The following HIKESHI variants were observed in gnomAD, a reference collection of about 807,000 sequenced individuals.
The protein encoded by HIKESHI is heat shock protein nuclear import factor hikeshi.
Under a neutral mutation model 25.7 loss-of-function variants are expected in HIKESHI, and 13 were observed. The ratio of observed to expected loss-of-function variants is 0.51; its 90% CI spans 0.33 to 0.80. The LOEUF (loss-of-function observed/expected upper bound fraction) is 0.80. Among genes scored for constraint, HIKESHI ranks in the 30% least tolerant of loss-of-function variants. HIKESHI has a pLI of 0.02. For synonymous variants in HIKESHI, 76 were observed against 78.7 expected, an observed-to-expected ratio of 0.97 and a Z score of 0.18; for missense variants, 174 against 229.5, an observed-to-expected ratio of 0.76 and a Z score of 1.56.
intron 4 of HIKESHI, chr11:86,345,205 A>C: frequency 1.0e-6 from 1 of 962,634 alleles, no homozygotes; most frequent in Non-Finnish European, 1.3e-6. Context: ...CTAGGTTTGA[A>C]TTTTGGCATA....
At chr11:86,302,839 A>G (rs560280438) in intron 1 of HIKESHI, among the ~76,000 whole-genome samples, 2 of 152,354 alleles carry the variant, frequency 1.3e-5, no homozygotes, top group African/African-American at 4.8e-5. Flanking sequence ...TTTTGCAGTT[A>G]CAGAACTAAG....
chr11:86,320,433 G>A (rs1052181498), intron 2 of HIKESHI, among the ~76,000 whole-genome samples: 1 of 152,114 alleles, frequency 6.6e-6, no homozygotes, highest in African/African-American at 2.4e-5. Flanking sequence ...AAAATTAGCT[G>A]GGCGTGCTGG....
At position 86,306,280 on chromosome 11, in the gene HIKESHI, A is replaced by T. The variant is rs774580967; in HGVS notation, c.66A>T (p.Lys22Asn). 6.2e-7 allele frequency: 1 copy of T among 1,613,808 alleles called. No homozygotes were observed. The highest frequency in any genetic ancestry group is 8.5e-7 in the Non-Finnish European group (1 of 1,179,762). Residue 22 changes from lysine (K) to asparagine (N), a missense_variant, in exon 2 of 5, where the codon AAA becomes AAT. Coordinates refer to ENST00000278483, the MANE Select transcript of HIKESHI (RefSeq NM_016401.4). ...CTGCACAGCAAGTGGCAGAGGATAA[A>T]TTTGTTTTTGACTTACCTGATTATG... Reference protein sequence around the residue: ...QTAAQQVAEDKFVFDLPDYES... With the variant: ...QTAAQQVAEDNFVFDLPDYES...
intron 2 of HIKESHI, among the ~76,000 whole-genome samples, chr11:86,325,223 G>T (rs890033744): frequency 6.6e-6 from 1 of 152,038 alleles, no homozygotes; most frequent in Non-Finnish European, 1.5e-5. Flanking sequence ...CAGTGCTTAT[G>T]ATTCTGTACT....
At chr11:86,322,431 G>A (rs1418106901) in intron 2 of HIKESHI, among the ~76,000 whole-genome samples, 2 of 151,398 alleles carry the variant, frequency 1.3e-5, no homozygotes, top group Non-Finnish European at 3.0e-5. Flanking sequence ...ATATATATGT[G>A]TATATGTATA....
At chr11:86,329,448 A>G (rs1013128319) in intron 2 of HIKESHI, among the ~76,000 whole-genome samples, 1 of 152,086 alleles carries the variant, frequency 6.6e-6, no homozygotes, top group African/African-American at 2.4e-5. Context: ...AAAGGGTATG[A>G]TATATATTGA....
chr11:86,321,121 G>A (rs946474812), intron 2 of HIKESHI, among the ~76,000 whole-genome samples: 1 of 152,044 alleles, frequency 6.6e-6, no homozygotes, highest in Non-Finnish European at 1.5e-5. Flanking sequence ...TTTTAGTAGA[G>A]ACGAGGTTTC....
intron 3 of HIKESHI, chr11:86,343,460 C>A (rs998808340): frequency 6.6e-6 from 1 of 151,858 alleles, no homozygotes; most frequent in Non-Finnish European, 1.5e-5. Context: ...CATAGTGAGA[C>A]CCTGTCTTTA....
intron 1 of HIKESHI, among the ~76,000 whole-genome samples, chr11:86,303,855 C>A (rs1326923105): frequency 2.0e-5 from 3 of 151,970 alleles, no homozygotes; most frequent in African/African-American, 7.3e-5. Context: ...TTCTTAATGT[C>A]AAAAATTAGA....
chr11:86,317,274 G>T (rs1032992587), intron 2 of HIKESHI, among the ~76,000 whole-genome samples: 3 of 152,118 alleles, frequency 2.0e-5, no homozygotes, highest in African/African-American at 4.8e-5. Flanking sequence ...AGTGAGCGGA[G>T]ATTGCAACAC....
At position 86,334,666 on chromosome 11, in the gene HIKESHI, C is replaced by A. The variant is rs114966006; in HGVS notation, c.269-2713C>A. On this transcript the variant is annotated intron_variant, in intron 2 of 4. Coordinates refer to ENST00000278483, the MANE Select transcript of HIKESHI (RefSeq NM_016401.4). ...AAATCAAACGGTAGAGTAAGGAGCT[C>A]CAGAAAATCCAGTCTTCCATAAAAG... Among the ~76,000 whole-genome samples the A allele has an allele frequency of 5.0e-3, 762 of 152,210 alleles. 7 individuals carry two copies. Among genetic ancestry groups the A allele is most frequent in the African/African-American group, 0.017 (709 of 41,510 alleles).
chr11:86,327,352 T>C (rs79464390), intron 2 of HIKESHI, among the ~76,000 whole-genome samples: 429 of 152,116 alleles, frequency 2.8e-3, no homozygotes, highest in African/African-American at 1.0e-2. Flanking sequence ...TCTCGCTCTG[T>C]CGCCCAGGCT....
chr11:86,331,977 C>CTTGTCTT (rs1565737723), intron 2 of HIKESHI, among the ~76,000 whole-genome samples: 1 of 137,472 alleles, frequency 7.3e-6, no homozygotes. Flanking sequence ...TAACTGTTTT[C>CTTGTCTT]TTTTCTTTTT....
In HIKESHI at chr11:86,307,958, T is replaced by TTA. The variant is rs375353773; in HGVS notation, c.268+1481_268+1482dup. ...AAATATATATTATGTGTAATATATATTATATAAAATATATATGTGTAATAT... is the reference window on the plus strand; with the variant it reads ...AAATATATATTATGTGTAATATATATTATATATAAAATATATATGTGTAATAT... On this transcript the variant is annotated intron_variant, in intron 2 of 4. Transcript: ENST00000278483. Among the ~76,000 whole-genome samples, 57 of 15,708 alleles carry TTA rather than the reference T, an allele frequency of 3.6e-3. 10 individuals are homozygous for TTA. In the East Asian group the frequency reaches 0.088, roughly 24 times the overall value. The allele number at this position is 15,708 out of a possible 152,430, so 10.3% of individuals were successfully genotyped here.
chr11:86,308,994 A>C (rs1367515047), intron 2 of HIKESHI, among the ~76,000 whole-genome samples: 1 of 131,818 alleles, frequency 7.6e-6, no homozygotes, highest in Admixed American at 8.1e-5. Flanking sequence ...GTTAGTTCCA[A>C]GTCTTTGCTA....
In HIKESHI at chr11:86,333,302, G is replaced by A. The variant is rs151070904; in HGVS notation, c.269-4077G>A. On this transcript the variant is annotated intron_variant, in intron 2 of 4. Coordinates refer to ENST00000278483, the MANE Select transcript of HIKESHI (RefSeq NM_016401.4). ...TGTAATCCCAGCACTTTGGGAGGCC[G>A]AGATGGGTGGATCACTTGAGGTCAA... Among the ~76,000 whole-genome samples the A allele has an allele frequency of 7.6e-3, 1,157 of 152,182 alleles. 8 individuals carry two copies. The highest frequency in any genetic ancestry group is 0.011 in the African/African-American group (472 of 41,516).
chr11:86,340,400 C>G (rs1470523898), intron 3 of HIKESHI, among the ~76,000 whole-genome samples: 1 of 152,230 alleles, frequency 6.6e-6, no homozygotes, highest in East Asian at 1.9e-4. Context: ...TCTCCACATC[C>G]TCTCCAGCAT....
intron 2 of HIKESHI, among the ~76,000 whole-genome samples, chr11:86,333,325 C>T (rs998356630): frequency 1.3e-5 from 2 of 152,032 alleles, no homozygotes. Flanking sequence ...CACTTGAGGT[C>T]AAGAGTTCCA....
chr11:86,309,953 G>C (rs1946788802), intron 2 of HIKESHI, among the ~76,000 whole-genome samples: 1 of 151,176 alleles, frequency 6.6e-6, no homozygotes, highest in South Asian at 2.1e-4. Context: ...TTCCCATGCT[G>C]TTTTGGTTAC....
Sources: allele counts gnomAD v4.1 joint callset (sites outside exome capture counted in the v4.1 genomes callset), GRCh38; gene constraint gnomAD v4.1.1; transcripts MANE v1.5; gene names NCBI Gene and HGNC (gene_info 2026-07-23, HGNC 2026-07-21).